The following FBXO36 variants were observed in gnomAD, a reference collection of about 807,000 sequenced individuals.
FBXO36 encodes F-box only protein 36.
FBXO36 carries 18 observed loss-of-function variants against 17.0 expected under a neutral mutation model. That is an observed-to-expected ratio of 1.06 (90% CI 0.73 to 1.57). The LOEUF is 1.57. FBXO36 is among the 40% of genes most tolerant of loss of function. The pLI is 0.00. For synonymous variants in FBXO36, 83 were observed against 85.3 expected, an observed-to-expected ratio of 0.97 and a Z score of 0.15; for missense variants, 229 against 221.9, an observed-to-expected ratio of 1.03 and a Z score of -0.20.
At chr2:229,993,327 C>G (rs1381237716) in intron 2 of FBXO36, among the ~76,000 whole-genome samples, 1 of 152,190 alleles carries the variant, frequency 6.6e-6, no homozygotes, top group African/African-American at 2.4e-5. Flanking sequence ...CTAAGGGCAG[C>G]CACTATAAGA....
In FBXO36 at chr2:229,995,592, C is replaced by CTTTTTTTTTT. The variant is rs748422157; in HGVS notation, c.206-1156_206-1155insTTTTTTTTTT. 4.8e-4 allele frequency among the ~76,000 whole-genome samples: 55 copies of CTTTTTTTTTT among 114,534 alleles called. 1 individual carries two copies. Among genetic ancestry groups the CTTTTTTTTTT allele is most frequent in the South Asian group, 8.4e-4 (3 of 3,582 alleles). 75.1% of individuals were successfully genotyped at this position (114,534 alleles called of 152,430 possible). ...TTTCTTTCTTTCTTTCTCTTTCTTT[C>CTTTTTTTTTT]TTTCTTTTTTTTTTTTTTGGACAGA... is the stretch of plus-strand genomic sequence containing the variant. On this transcript the variant is annotated intron_variant, in intron 2 of 3. Coordinates refer to ENST00000283946, the MANE Select transcript of FBXO36 (RefSeq NM_174899.5).
intron 3 of FBXO36, among the ~76,000 whole-genome samples, chr2:230,004,537 C>T (rs1371647248): frequency 6.6e-6 from 1 of 152,198 alleles, no homozygotes; most frequent in Admixed American, 6.5e-5. Context: ...ACCATATTAA[C>T]TGTGTTTTGC....
chr2:229,982,324 C>T (rs1026649315), intron 2 of FBXO36, among the ~76,000 whole-genome samples: 1 of 152,070 alleles, frequency 6.6e-6, no homozygotes, highest in Non-Finnish European at 1.5e-5. Context: ...CTGTGCCCAG[C>T]CTCCTTCCTC....
intron 1 of FBXO36, among the ~76,000 whole-genome samples, chr2:229,941,299 C>T (rs2076997394): frequency 6.6e-6 from 1 of 151,856 alleles, no homozygotes; most frequent in South Asian, 2.1e-4. Context: ...ACTAAAAATA[C>T]AAAAAATTAG....
chr2:229,955,674 ACTATGAT>A (rs1359798987), intron 1 of FBXO36, among the ~76,000 whole-genome samples: 1 of 152,196 alleles, frequency 6.6e-6, no homozygotes, highest in African/African-American at 2.4e-5. Flanking sequence ...TGAATGAAAT[ACTATGAT>A]TGCTCAAGCA....
intron 1 of FBXO36, among the ~76,000 whole-genome samples, chr2:229,948,207 C>T (rs959031011): frequency 6.6e-6 from 1 of 152,094 alleles, no homozygotes; most frequent in South Asian, 2.1e-4. Flanking sequence ...TGTGTCCCCA[C>T]ATTTACATGT....
intron 1 of FBXO36, among the ~76,000 whole-genome samples, chr2:229,971,359 G>GAA (rs1265894585): frequency 1.1e-5 from 1 of 88,348 alleles, no homozygotes; most frequent in African/African-American, 4.2e-5. Context: ...CATCTCAAAA[G>GAA]AAAAAAAAAA....
chr2:229,989,054 A>T (rs2077285080), intron 2 of FBXO36, among the ~76,000 whole-genome samples: 2 of 152,070 alleles, frequency 1.3e-5, no homozygotes, highest in Non-Finnish European at 2.9e-5. Context: ...GTGTGCACAG[A>T]TCATTTCAGT....
intron 1 of FBXO36, among the ~76,000 whole-genome samples, chr2:229,966,251 T>G (rs1376440934): frequency 6.6e-6 from 1 of 152,316 alleles, no homozygotes; most frequent in African/African-American, 2.4e-5. Context: ...GTAAATTTGT[T>G]TGAATTCTTT....
At chr2:229,922,675 G>C in intron 1 of FBXO36, 66 bp downstream of exon 1, 1 of 1,535,174 alleles carries the variant, frequency 6.5e-7, no homozygotes, top group Non-Finnish European at 8.9e-7. Context: ...GGCCCGGGAC[G>C]CAGGCTGTGC....
chr2:229,941,348 G>C lies in FBXO36; in HGVS notation c.96+18739G>C, dbSNP rs189549626. 4.6e-5 allele frequency among the ~76,000 whole-genome samples: 7 copies of C among 152,130 alleles called. No individual in the cohort carries two copies. In the East Asian group the frequency reaches 1.4e-3, roughly 30 times the overall value. On this transcript the variant is annotated intron_variant, in intron 1 of 3. Coordinates refer to ENST00000283946, the MANE Select transcript of FBXO36 (RefSeq NM_174899.5). The stretch of plus-strand genomic sequence containing the variant: ...CACACGCCTGTAGTCCCAGGTACTC[G>C]GGAGGCTGAGGCAGGAGAATTGCTT...
intron 1 of FBXO36, among the ~76,000 whole-genome samples, chr2:229,960,849 C>T (rs1403688283): frequency 1.3e-5 from 2 of 152,160 alleles, no homozygotes; most frequent in Non-Finnish European, 2.9e-5. Context: ...TGGCTCATGC[C>T]TGTAATCCCA....
At chr2:229,938,675 T>G (rs2106159908) in intron 1 of FBXO36, among the ~76,000 whole-genome samples, 1 of 148,958 alleles carries the variant, frequency 6.7e-6, no homozygotes, top group East Asian at 2.0e-4. Flanking sequence ...TTTTTGTATT[T>G]TTTGTATAGA....
rs2077205111 is a variant in FBXO36, at chr2:229,975,813, G to T, written c.97-428G>T. 1.3e-5 allele frequency among the ~76,000 whole-genome samples: 2 copies of T among 148,364 alleles called. 1 individual carries two copies. Among genetic ancestry groups the T allele is most frequent in the South Asian group, 4.3e-4 (2 of 4,632 alleles). On this transcript the variant is annotated intron_variant, in intron 1 of 3. Coordinates refer to ENST00000283946, the MANE Select transcript of FBXO36 (RefSeq NM_174899.5). ...TATTTTATTTTATTTTTTTTGGTGG[G>T]GGGGCGGGCGGGGGATGGAGTTTCA...
Position 229,935,205 on chromosome 2 carries a change from G to T in FBXO36, c.96+12596G>T, listed in dbSNP as rs572324766. 2.0e-5 allele frequency among the ~76,000 whole-genome samples: 3 copies of T among 152,190 alleles called. No homozygotes were observed. The South Asian group carries it at 6.2e-4, about 32-fold the overall frequency. On this transcript the variant is annotated intron_variant, in intron 1 of 3. Coordinates refer to ENST00000283946, the MANE Select transcript of FBXO36 (RefSeq NM_174899.5). ...TTATTGTTTGGGAAAGCTCAGCTCT[G>T]ACCAACCCCCTGGATTTGTGCCTAT...
rs566700395 is a variant in FBXO36, at chr2:229,985,068, G to T, written c.205+8719G>T. 1.4e-3 allele frequency among the ~76,000 whole-genome samples: 216 copies of T among 152,208 alleles called. 8 individuals carry two copies. In the South Asian group the frequency reaches 0.042, roughly 30 times the overall value. On this transcript the variant is annotated intron_variant, in intron 2 of 3. Coordinates refer to ENST00000283946, the MANE Select transcript of FBXO36 (RefSeq NM_174899.5). ...GGATGGTCTTTCTGTGAACTGGCTC[G>T]CATGCCACTGCCACAGGATGCAGCG...
At chr2:229,950,949 T>C (rs969747744) in intron 1 of FBXO36, among the ~76,000 whole-genome samples, 7 of 151,694 alleles carry the variant, frequency 4.6e-5, no homozygotes, top group Non-Finnish European at 2.9e-5. Context: ...TTATTTTATT[T>C]TTGAGACGGA....
chr2:229,959,776 G>T (rs2077111180), intron 1 of FBXO36, among the ~76,000 whole-genome samples: 1 of 151,994 alleles, frequency 6.6e-6, no homozygotes, highest in Non-Finnish European at 1.5e-5. Context: ...AACCCAGGAG[G>T]TGGAGCTTGC....
In FBXO36 at chr2:229,922,535, ACT is replaced by A. The variant is rs773707211; in HGVS notation, c.27_28del (p.Phe10Ter). 2.4e-5 allele frequency: 39 copies of A among 1,612,874 alleles called. No homozygotes were observed. Among genetic ancestry groups the A allele is most frequent in the Middle Eastern group, 1.6e-4 (1 of 6,080 alleles). On this transcript the variant is annotated frameshift_variant, in exon 1 of 4. Transcript: ENST00000283946. LOFTEE classifies it high-confidence loss of function. MASWLPETLFETVGQGPP... is the reference protein window; with the variant it reads MASWLPEXLFETVGQGPP... ...CAAGATGGCGTCGTGGCTGCCGGAGACTCTCTTTGAAACTGTAGGACAAGGCC... is the reference window on the plus strand; with the variant it reads ...CAAGATGGCGTCGTGGCTGCCGGAGACTCTTTGAAACTGTAGGACAAGGCC...
Sources: gnomAD v4.1 joint callset for allele counts (sites outside exome capture counted in the v4.1 genomes callset) on GRCh38, gnomAD v4.1.1 for gene constraint, MANE v1.5 for transcripts, NCBI Gene and HGNC (gene_info 2026-07-23, HGNC 2026-07-21) for gene names.